UBXN4: variants seen among roughly 807,000 people sequenced by gnomAD.
UBXN4 encodes the protein UBX domain-containing protein 4.
A neutral mutation model predicts 66.2 loss-of-function variants in UBXN4; 35 were observed. That is an observed-to-expected ratio of 0.53 (90% CI 0.40 to 0.70). The LOEUF (loss-of-function observed/expected upper bound fraction) is 0.70. Ranked by LOEUF, UBXN4 falls within the 30% of genes least tolerant of loss-of-function variation. The probability of loss-of-function intolerance (pLI) is 0.00; values close to 1 mark genes in which losing one functional copy is unlikely to be tolerated. For synonymous variants in UBXN4, 203 were observed against 204.5 expected, an observed-to-expected ratio of 0.99 and a Z score of 0.06; for missense variants, 533 against 599.8, an observed-to-expected ratio of 0.89 and a Z score of 1.16.
rs1466248133 is a variant in UBXN4 at position 135,782,895 on chromosome 2, A to G, written c.*8A>G. On this transcript the variant is annotated 3_prime_UTR_variant, in exon 13 of 13. Transcript: ENST00000272638. ...TCCACTCAACAGATGTAGTGTGACA[A>G]GTATAATATGTGCAATAATCATTGT... The G allele has an allele frequency of 1.2e-6, 2 of 1,606,126 alleles. No homozygotes were observed. The highest frequency in any genetic ancestry group is 1.1e-5 in the South Asian group (1 of 90,076).
At chr2:135,780,861 C>G (rs185291706) in intron 12 of UBXN4, among the ~76,000 whole-genome samples, 1 of 152,260 alleles carries the variant, frequency 6.6e-6, no homozygotes, top group Non-Finnish European at 1.5e-5. Flanking sequence ...CAGAGAAGGA[C>G]CAAATTGTGG....
At chr2:135,744,684 T>G (rs749945511) in intron 1 of UBXN4, among the ~76,000 whole-genome samples, 9 of 152,170 alleles carry the variant, frequency 5.9e-5, no homozygotes, top group Non-Finnish European at 1.2e-4. Context: ...GCTTCTGAGT[T>G]CGTGTTGCTC....
At chr2:135,760,901 G>T (rs1009953568) in intron 5 of UBXN4, among the ~76,000 whole-genome samples, 2 of 152,168 alleles carry the variant, frequency 1.3e-5, no homozygotes, top group African/African-American at 4.8e-5. Context: ...CCCTGAATGG[G>T]GAGGGAGAAG....
intron 4 of UBXN4, among the ~76,000 whole-genome samples, 182 bp from the exon 5 acceptor site, chr2:135,755,335 C>T (rs1393678590): frequency 6.6e-6 from 1 of 152,142 alleles, no homozygotes; most frequent in Non-Finnish European, 1.5e-5. Flanking sequence ...TGCCAGCTTG[C>T]AGGTAAATTC....
chr2:135,778,288 G>GT (rs2077430355), intron 10 of UBXN4, among the ~76,000 whole-genome samples: 1 of 149,972 alleles, frequency 6.7e-6, no homozygotes, highest in East Asian at 1.9e-4. Flanking sequence ...GTGATCTACA[G>GT]TAAAAAAAAA....
At chr2:135,747,195 A>T (rs1013527821) in intron 1 of UBXN4, among the ~76,000 whole-genome samples, 3 of 152,160 alleles carry the variant, frequency 2.0e-5, no homozygotes, top group African/African-American at 4.8e-5. Flanking sequence ...AAAATACAAA[A>T]AAATTAGCTG....
chr2:135,754,546 C>CT (rs2077267946), intron 4 of UBXN4, among the ~76,000 whole-genome samples: 1 of 152,084 alleles, frequency 6.6e-6, no homozygotes, highest in South Asian at 2.1e-4. Flanking sequence ...TGGTCTCAAA[C>CT]TCCTGACCTC....
chr2:135,774,608 A>G (rs978771673), intron 9 of UBXN4, among the ~76,000 whole-genome samples: 1 of 152,158 alleles, frequency 6.6e-6, no homozygotes, highest in African/African-American at 2.4e-5. Flanking sequence ...ACTTTGGAAG[A>G]CTGAGGCAGG....
intron 4 of UBXN4, 148 bp downstream of exon 4, chr2:135,754,425 TG>T: frequency 1.6e-6 from 1 of 609,654 alleles, no homozygotes; most frequent in South Asian, 1.9e-5. Context: ...CAGGTTCAAG[TG>T]ATTCTCCTGC....
intron 1 of UBXN4, 106 bp from the exon 2 acceptor site, chr2:135,748,161 G>T: frequency 1.3e-6 from 1 of 769,660 alleles, no homozygotes; most frequent in Non-Finnish European, 1.9e-6. Context: ...GCAGAAAGTG[G>T]TATAGGTGGG....
At chr2:135,742,133 T>G (rs893910875) in intron 1 of UBXN4, 122 bp downstream of exon 1, 2 of 1,154,202 alleles carry the variant, frequency 1.7e-6, no homozygotes, top group Non-Finnish European at 2.5e-6. Flanking sequence ...GCTCGCACAA[T>G]TGCCACTACT....
rs2077318588 is a variant in UBXN4, at chr2:135,761,901, C to T, written c.592C>T (p.Arg198Ter). 6.2e-7 allele frequency: 1 copy of T among 1,611,584 alleles called. No homozygotes were observed. Among genetic ancestry groups the T allele is most frequent in the Non-Finnish European group, 8.5e-7 (1 of 1,179,412 alleles). Residue 198 changes from arginine (R) to a stop codon, truncating the protein, a stop_gained, in exon 6 of 13, where the codon CGA becomes TGA. Transcript: ENST00000272638. LOFTEE classifies it high-confidence loss of function. ...GAGACCTGCAGAGGACCTCAACATC[C>T]GAGTGGAAAGGTTTGCTCTTCTTTT... is the stretch of plus-strand genomic sequence containing the variant. ...DQRPAEDLNI[R>*]VERLTKKLEE...
intron 1 of UBXN4, among the ~76,000 whole-genome samples, chr2:135,744,353 G>C (rs2077194234): frequency 1.3e-5 from 2 of 152,024 alleles, no homozygotes; most frequent in Non-Finnish European, 2.9e-5. Flanking sequence ...ATATTGTAGA[G>C]TTGATGTTAG....
In UBXN4 at chr2:135,761,919, C is replaced by T; in HGVS notation, c.602+8C>T. ...CAACATCCGAGTGGAAAGGTTTGCTCTTCTTTTTGCAAATAGCATTTTGTT... is the reference window on the plus strand; with the variant it reads ...CAACATCCGAGTGGAAAGGTTTGCTTTTCTTTTTGCAAATAGCATTTTGTT... On this transcript the variant is annotated splice_region_variant and intron_variant, in intron 6 of 12. Coordinates refer to ENST00000272638, the MANE Select transcript of UBXN4 (RefSeq NM_014607.4). 2 of 1,603,830 alleles carry T rather than the reference C, an allele frequency of 1.2e-6. No individual in the cohort carries two copies. The highest frequency in any genetic ancestry group is 2.3e-5 in the South Asian group (2 of 88,606).
chr2:135,760,508 A>G (rs2077308753), intron 5 of UBXN4, among the ~76,000 whole-genome samples: 1 of 152,334 alleles, frequency 6.6e-6, no homozygotes, highest in South Asian at 2.1e-4. Context: ...ACTCTGTGAC[A>G]TACAATTGGA....
intron 6 of UBXN4, among the ~76,000 whole-genome samples, chr2:135,769,029 G>C (rs1466169365): frequency 6.6e-6 from 1 of 151,666 alleles, no homozygotes; most frequent in Non-Finnish European, 1.5e-5. Flanking sequence ...TTCAGACAGG[G>C]TCTCCCTTTG....
chr2:135,783,129 T>A lies in UBXN4; in HGVS notation c.*242T>A, dbSNP rs1426438555. ...GCTAGAACCCTAAAAGAACCAAAAATCTGCCACAGCCTGCCTCCATCAGCT... is the reference window on the plus strand; with the variant it reads ...GCTAGAACCCTAAAAGAACCAAAAAACTGCCACAGCCTGCCTCCATCAGCT... On this transcript the variant is annotated 3_prime_UTR_variant, in exon 13 of 13. Coordinates refer to ENST00000272638, the MANE Select transcript of UBXN4 (RefSeq NM_014607.4). 1.8e-5 allele frequency: 6 copies of A among 332,264 alleles called. No homozygotes were observed. Among genetic ancestry groups the A allele is most frequent in the Admixed American group, 4.5e-5 (1 of 22,398 alleles). 20.6% of individuals were successfully genotyped at this position (332,264 alleles called of 1,614,324 possible).
intron 1 of UBXN4, among the ~76,000 whole-genome samples, chr2:135,747,474 C>G (rs2077215772): frequency 6.6e-6 from 1 of 151,774 alleles, no homozygotes. Context: ...GGTTAGCATA[C>G]CTTTTATAAT....
Position 135,780,177 on chromosome 2 carries a change from T to G in UBXN4, c.1186-6T>G, listed in dbSNP as rs1382528485. On this transcript the variant is annotated splice_polypyrimidine_tract_variant and splice_region_variant and intron_variant, in intron 11 of 12. Coordinates refer to ENST00000272638, the MANE Select transcript of UBXN4 (RefSeq NM_014607.4). The stretch of plus-strand genomic sequence containing the variant: ...TCTTTATCTAGGTTTGTTTATTAAT[T>G]TCTAGGCAGGAAGACCAACTGCATC... 6.2e-7 allele frequency: 1 copy of G among 1,613,928 alleles called. No homozygotes were observed. Among genetic ancestry groups the G allele is most frequent in the Non-Finnish European group, 8.5e-7 (1 of 1,179,936 alleles).
Sources: gnomAD v4.1 joint callset for allele counts (sites outside exome capture counted in the v4.1 genomes callset) on GRCh38, gnomAD v4.1.1 for gene constraint, MANE v1.5 for transcripts, NCBI Gene and HGNC (gene_info 2026-07-23, HGNC 2026-07-21) for gene names.